The following ADAM21 variants were observed in gnomAD, a reference collection of about 807,000 sequenced individuals.
The protein encoded by ADAM21 is ADAM metallopeptidase domain 21, also known as disintegrin and metalloproteinase domain-containing protein 21.
For synonymous variants in ADAM21, 262 were observed against 306.0 expected, an observed-to-expected ratio of 0.86 and a Z score of 1.50; for missense variants, 678 against 874.4, an observed-to-expected ratio of 0.78 and a Z score of 2.83.
rs1882470877 is a variant in ADAM21 at position 70,458,835 on chromosome 14, T to C, written c.1336T>C (p.Cys446Arg). 6.2e-7 allele frequency: 1 copy of C among 1,614,100 alleles called. No homozygotes were observed. Among genetic ancestry groups the C allele is most frequent in the African/African-American group, 1.3e-5 (1 of 74,936 alleles). ...CTGCACTCTAAGGCCTGGGGCTGCC[T>C]GTGCTTTTGGGCTTTGTTGCAAAGA... The part of the protein sequence containing the change: ...LNCTLRPGAA[C>R]AFGLCCKDCK... The change falls in exon 2 of 2, where the codon TGT becomes CGT. Residue 446 changes from cysteine to arginine, a missense_variant. By Grantham distance (180) the Cys-to-Arg change is radical (BLOSUM62 -3). Coordinates refer to ENST00000603540, the MANE Select transcript of ADAM21 (RefSeq NM_003813.4).
chr14:70,459,707 C>T lies in ADAM21; in HGVS notation c.*39C>T. 1 of 1,594,888 alleles carries T rather than the reference C, an allele frequency of 6.3e-7. No homozygotes were observed. Among genetic ancestry groups the T allele is most frequent in the South Asian group, 1.1e-5 (1 of 88,114 alleles). ...ACTTAATATTCCATGCATTAGTACA[C>T]TTTAGTCTCTTGGCAGTAGAAACAT... On this transcript the variant is annotated 3_prime_UTR_variant, in exon 2 of 2. Coordinates refer to ENST00000603540, the MANE Select transcript of ADAM21 (RefSeq NM_003813.4).
At position 70,458,121 on chromosome 14, in the gene ADAM21, T is replaced by C. The variant is rs1217600141; in HGVS notation, c.622T>C (p.Trp208Arg). ...KSAGDWWTHA[W>R]FLELVVVVNH... ...TGCTGGTGACTGGTGGACTCATGCA[T>C]GGTTTCTGGAGCTAGTTGTTGTGGT... The change falls in exon 2 of 2, where the codon TGG becomes CGG. Residue 208 changes from tryptophan to arginine, a missense_variant. Trp to Arg is a moderately radical substitution (Grantham distance 101, BLOSUM62 -3). Transcript: ENST00000603540. The C allele has an allele frequency of 5.6e-6, 9 of 1,614,068 alleles. No individual in the cohort carries two copies. Among genetic ancestry groups the C allele is most frequent in the Non-Finnish European group, 7.6e-6 (9 of 1,179,980 alleles).
chr14:70,457,594 G>T lies in ADAM21; in HGVS notation c.95G>T (p.Gly32Val). The T allele has an allele frequency of 6.2e-7, 1 of 1,613,792 alleles. No individual in the cohort carries two copies. Among genetic ancestry groups the T allele is most frequent in the Non-Finnish European group, 8.5e-7 (1 of 1,179,928 alleles). The change falls in exon 2 of 2, where the codon GGG becomes GTG. Residue 32 changes from glycine (G) to valine (V), a missense_variant. Transcript: ENST00000603540. ...TCTATTTCCGGCTACTGTCAGGCTG[G>T]GCCCTCCCAGCATTTCACTTCCCCG... ...FLSISGYCQA[G>V]PSQHFTSPEV...
At position 70,457,763 on chromosome 14, in the gene ADAM21, A is replaced by C. The variant is rs1378382126; in HGVS notation, c.264A>C (p.Pro88=). Residue 88 remains proline (P), a synonymous_variant, in exon 2 of 2, where the codon CCA becomes CCC. Transcript: ENST00000603540. Reference sequence around the variant, plus strand: ...AGCTCTTAGTTTCTAGACACCTCCCAGTGTTCACCTACACAGATGACCGTG... The same window carrying C: ...AGCTCTTAGTTTCTAGACACCTCCCCGTGTTCACCTACACAGATGACCGTG... The part of the protein sequence containing the change: ...VKKLLVSRHL[P]VFTYTDDRAL... 2 of 1,613,246 alleles carry C rather than the reference A, an allele frequency of 1.2e-6. No homozygotes were observed. Among genetic ancestry groups the C allele is most frequent in the South Asian group, 2.2e-5 (2 of 91,012 alleles).
Position 70,457,905 on chromosome 14 carries a change from T to A in ADAM21, c.406T>A (p.Leu136Ile). 1 of 1,614,086 alleles carries A rather than the reference T, an allele frequency of 6.2e-7. No homozygotes were observed. The highest frequency in any genetic ancestry group is 8.5e-7 in the Non-Finnish European group (1 of 1,180,004). ...TTGTTTTGGGGGCTTTCGAGGAGTA[T>A]TAAAAATAAGTGGCCTCACTTATGA... ...SACFGGFRGV[L>I]KISGLTYEIE... The change falls in exon 2 of 2, where the codon TTA becomes ATA. Residue 136 changes from leucine (L) to isoleucine (I), a missense_variant. Transcript: ENST00000603540.
chr14:70,454,939 T>C (rs538124088), intron 1 of ADAM21, among the ~76,000 whole-genome samples: 1 of 152,314 alleles, frequency 6.6e-6, no homozygotes, highest in South Asian at 2.1e-4. Context: ...GTTCATGTTG[T>C]GGGCTGTGGA....
intron 1 of ADAM21, chr14:70,453,375 A>G (rs1889064987): frequency 6.6e-6 from 1 of 152,202 alleles, no homozygotes; most frequent in Non-Finnish European, 1.5e-5. Context: ...GGAAGAGTTT[A>G]TCAAACATGC....
chr14:70,455,316 C>T (rs769050711), intron 1 of ADAM21, among the ~76,000 whole-genome samples: 4 of 152,204 alleles, frequency 2.6e-5, no homozygotes, highest in Middle Eastern at 3.4e-3. Context: ...GATTTAAGTG[C>T]TTTTCCTTTT....
At position 70,458,799 on chromosome 14, in the gene ADAM21, T is replaced by A; in HGVS notation, c.1300T>A (p.Cys434Ser). 1.9e-6 allele frequency: 3 copies of A among 1,614,244 alleles called. No homozygotes were observed. The highest frequency in any genetic ancestry group is 1.3e-5 in the African/African-American group (1 of 75,068). ...SVQQCEQDAC[C>S]LLNCTLRPGA... ...ACAGCAGTGTGAACAAGACGCCTGT[T>A]GTCTGTTGAACTGCACTCTAAGGCC... Residue 434 changes from cysteine to serine, a missense_variant, in exon 2 of 2, where the codon TGT (cysteine) becomes AGT (serine). Transcript: ENST00000603540.
chr14:70,457,513 G>C lies in ADAM21; in HGVS notation c.14G>C (p.Gly5Ala). 1 of 1,582,528 alleles carries C rather than the reference G, an allele frequency of 6.3e-7. No individual in the cohort carries two copies. Among genetic ancestry groups the C allele is most frequent in the Non-Finnish European group, 8.6e-7 (1 of 1,157,816 alleles). MAVD[G>A]TLVYIRVTLL... Reference sequence around the variant, plus strand: ...GACAGCTTCATAATGGCAGTGGATGGGACCCTCGTGTACATCAGAGTCACT... The same window carrying C: ...GACAGCTTCATAATGGCAGTGGATGCGACCCTCGTGTACATCAGAGTCACT... The change falls in exon 2 of 2, where the codon GGG becomes GCG. Residue 5 changes from glycine to alanine, a missense_variant. By Grantham distance (60) the Gly-to-Ala change is moderately conservative. Coordinates refer to ENST00000603540, the MANE Select transcript of ADAM21 (RefSeq NM_003813.4).
chr14:70,456,820 C>T (rs559636958), intron 1 of ADAM21, among the ~76,000 whole-genome samples: 1 of 152,266 alleles, frequency 6.6e-6, no homozygotes, highest in South Asian at 2.1e-4. Context: ...ATAAACCCTG[C>T]AGTCAAGAAT....
At position 70,458,797 on chromosome 14, in the gene ADAM21, G is replaced by C. The variant is rs769317460; in HGVS notation, c.1298G>C (p.Cys433Ser). ...GSVQQCEQDA[C>S]CLLNCTLRPG... ...GTACAGCAGTGTGAACAAGACGCCT[G>C]TTGTCTGTTGAACTGCACTCTAAGG... The change falls in exon 2 of 2, where the codon TGT becomes TCT. Residue 433 changes from cysteine (C) to serine (S), a missense_variant. Transcript: ENST00000603540. The C allele has an allele frequency of 1.9e-6, 3 of 1,614,228 alleles. No homozygotes were observed. The South Asian group carries it at 3.3e-5, about 18-fold the overall frequency.
At position 70,459,791 on chromosome 14, in the gene ADAM21, T is replaced by C; in HGVS notation, c.*123T>C. ...CATTTCCAGAAAGCTGCAAAGATCTTCCCTTACATTAGTACCACAAACATT... is the reference window on the plus strand; with the variant it reads ...CATTTCCAGAAAGCTGCAAAGATCTCCCCTTACATTAGTACCACAAACATT... On this transcript the variant is annotated 3_prime_UTR_variant, in exon 2 of 2. Transcript: ENST00000603540. 1 of 1,149,248 alleles carries C rather than the reference T, an allele frequency of 8.7e-7. No homozygotes were observed. Among genetic ancestry groups the C allele is most frequent in the African/African-American group, 1.5e-5 (1 of 64,752 alleles). The allele number at this position is 1,149,248 out of a possible 1,614,324, so 71.2% of individuals were successfully genotyped here.
chr14:70,456,274 C>T (rs1327834753), intron 1 of ADAM21, among the ~76,000 whole-genome samples: 5 of 152,262 alleles, frequency 3.3e-5, no homozygotes, highest in Middle Eastern at 3.4e-3. Flanking sequence ...GATTTTCTTT[C>T]TCTAATATCT....
At position 70,459,804 on chromosome 14, in the gene ADAM21, T is replaced by C; in HGVS notation, c.*136T>C. The C allele has an allele frequency of 3.9e-6, 4 of 1,030,230 alleles. No individual in the cohort carries two copies. The highest frequency in any genetic ancestry group is 5.6e-6 in the Non-Finnish European group (4 of 708,032). 63.8% of individuals were successfully genotyped at this position (1,030,230 alleles called of 1,614,324 possible). On this transcript the variant is annotated 3_prime_UTR_variant, in exon 2 of 2. Coordinates refer to ENST00000603540, the MANE Select transcript of ADAM21 (RefSeq NM_003813.4). ...CTGCAAAGATCTTCCCTTACATTAG[T>C]ACCACAAACATTGTCATTAAGTTCA... is the stretch of plus-strand genomic sequence containing the variant.
chr14:70,457,369 T>G lies in ADAM21; in HGVS notation c.-131T>G. On this transcript the variant is annotated 5_prime_UTR_variant, in exon 2 of 2. Transcript: ENST00000603540. ...TCCAGCACTGCAGTTCTGATCTAAC[T>G]CTGCCAGGACACAGATCCACAGGGT... 7.0e-7 allele frequency: 1 copy of G among 1,426,128 alleles called. No individual in the cohort carries two copies. The highest frequency in any genetic ancestry group is 1.4e-5 in the African/African-American group (1 of 70,362). The allele number at this position is 1,426,128 out of a possible 1,614,324, so 88.3% of individuals were successfully genotyped here. A position where few individuals can be genotyped will look rare whatever the true frequency, so the allele number is the denominator to read the frequency against.
At chr14:70,457,327 A>T (rs1276743969) in intron 1 of ADAM21, 22 bp from the exon 2 acceptor site, 7 of 944,806 alleles carry the variant, frequency 7.4e-6, no homozygotes, top group Middle Eastern at 3.5e-4. Context: ...TTTCCAACCC[A>T]TCTTTTTATT....
rs1304678956 is a variant in ADAM21 at position 70,459,532 on chromosome 14, CAA to C, written c.2035_2036del (p.Lys679GlufsTer38). ...AGTATTGACAGTGGCCCAGCATCTGCAAAGAGAGGAGTTTTTTTGCCGCTGAT... is the reference window on the plus strand; with the variant it reads ...AGTATTGACAGTGGCCCAGCATCTGCAGAGAGGAGTTTTTTTGCCGCTGAT... On this transcript the variant is annotated frameshift_variant, in exon 2 of 2. Coordinates refer to ENST00000603540, the MANE Select transcript of ADAM21 (RefSeq NM_003813.4). LOFTEE classifies it low-confidence loss of function (END_TRUNC). The C allele has an allele frequency of 1.2e-6, 2 of 1,614,090 alleles. No homozygotes were observed. Among genetic ancestry groups the C allele is most frequent in the Non-Finnish European group, 8.5e-7 (1 of 1,180,038 alleles).
rs1436751337 is a variant in ADAM21 at position 70,456,355 on chromosome 14, A to G, written c.-151-994A>G. Among the ~76,000 whole-genome samples the G allele has an allele frequency of 2.0e-5, 3 of 152,322 alleles. No individual in the cohort carries two copies. The South Asian group carries it at 6.2e-4, about 32-fold the overall frequency. ...GTTTAATAAATAGAAAAAGAAATGG[A>G]TAAGTGTTGCCAGCCAGACTGTATG... On this transcript the variant is annotated intron_variant, in intron 1 of 1. Transcript: ENST00000603540.
Sources: allele counts gnomAD v4.1 joint callset (sites outside exome capture counted in the v4.1 genomes callset), GRCh38; gene constraint gnomAD v4.1.1; transcripts MANE v1.5; gene names NCBI Gene and HGNC (gene_info 2026-07-23, HGNC 2026-07-21).